The following KCNQ5 variants were observed in gnomAD, a reference collection of about 807,000 sequenced individuals.
KCNQ5 encodes potassium voltage-gated channel subfamily Q member 5.
KCNQ5 carries 30 observed loss-of-function variants against 98.2 expected under a neutral mutation model. That is an observed-to-expected ratio of 0.31 (90% CI 0.23 to 0.41). The LOEUF is 0.41. Ranked by LOEUF, KCNQ5 falls within the 10% of genes least tolerant of loss-of-function variation. The pLI, the probability that KCNQ5 is intolerant of heterozygous loss-of-function variation, is 1.00. For synonymous variants in KCNQ5, 458 were observed against 449.4 expected (o/e 1.02, Z -0.24); for missense variants, 835 against 1,182.5 (o/e 0.71, Z 4.31).
intron 3 of KCNQ5, among the ~76,000 whole-genome samples, chr6:73,061,148 T>A (rs1270985476): frequency 6.6e-6 from 1 of 152,194 alleles, no homozygotes; most frequent in Non-Finnish European, 1.5e-5. Context: ...AATGTAATAC[T>A]GCATATATAG....
rs1027720077 is a variant in KCNQ5, at chr6:72,992,867, T to G, written c.399-11041T>G. 9.2e-4 allele frequency among the ~76,000 whole-genome samples: 58 copies of G among 62,762 alleles called. 3 individuals are homozygous for G. Among genetic ancestry groups the G allele is most frequent in the African/African-American group, 4.8e-3 (54 of 11,310 alleles). 41.2% of individuals were successfully genotyped at this position (62,762 alleles called of 152,430 possible). Reference sequence around the variant, plus strand: ...TAGGGCAGGCCTGGTGGTGACAAAATCTCTCAGCATTTGCTTGTCTATAAA... The same window carrying G: ...TAGGGCAGGCCTGGTGGTGACAAAAGCTCTCAGCATTTGCTTGTCTATAAA... On this transcript the variant is annotated intron_variant, in intron 1 of 13. Coordinates refer to ENST00000370398, the MANE Select transcript of KCNQ5 (RefSeq NM_019842.4).
chr6:72,655,981 T>C (rs556682810), intron 1 of KCNQ5, among the ~76,000 whole-genome samples: 1 of 152,312 alleles, frequency 6.6e-6, no homozygotes, highest in Admixed American at 6.5e-5. Flanking sequence ...GAACATTCCA[T>C]ACATCCAAAG....
chr6:72,669,850 G>T (rs371938690), intron 1 of KCNQ5, among the ~76,000 whole-genome samples: 1 of 150,222 alleles, frequency 6.7e-6, no homozygotes, highest in East Asian at 2.0e-4. Flanking sequence ...TCAAGCAGTT[G>T]TTCAGCCATA....
At chr6:72,649,969 C>A (rs898330733) in intron 1 of KCNQ5, among the ~76,000 whole-genome samples, 2 of 152,116 alleles carry the variant, frequency 1.3e-5, no homozygotes, top group Non-Finnish European at 2.9e-5. Flanking sequence ...TCTCTCATTG[C>A]AAGTGCTATG....
chr6:72,797,811 T>C (rs570125174), intron 1 of KCNQ5, among the ~76,000 whole-genome samples: 1 of 152,254 alleles, frequency 6.6e-6, no homozygotes, highest in South Asian at 2.1e-4. Context: ...AATCAACATA[T>C]TAAATCATTG....
At chr6:73,130,049 A>G (rs1776162261) in intron 9 of KCNQ5, among the ~76,000 whole-genome samples, 1 of 152,210 alleles carries the variant, frequency 6.6e-6, no homozygotes, top group South Asian at 2.1e-4. Context: ...CCGCTGGGAC[A>G]AATAGTCGGC....
At chr6:72,750,151 A>C (rs1771604282) in intron 1 of KCNQ5, among the ~76,000 whole-genome samples, 1 of 152,062 alleles carries the variant, frequency 6.6e-6, no homozygotes. Flanking sequence ...TAATCTGGCC[A>C]CAATGTGAGT....
chr6:72,850,373 A>G (rs776061662), intron 1 of KCNQ5, among the ~76,000 whole-genome samples: 1 of 152,162 alleles, frequency 6.6e-6, no homozygotes, highest in Non-Finnish European at 1.5e-5. Context: ...TCGGCTTTCT[A>G]TGTAAAAGAG....
intron 11 of KCNQ5, among the ~76,000 whole-genome samples, chr6:73,176,781 T>G (rs1778230891): frequency 6.6e-6 from 1 of 152,116 alleles, no homozygotes; most frequent in African/African-American, 2.4e-5. Flanking sequence ...AGATGGTGCA[T>G]TATTGTGAGT....
At chr6:72,904,064 G>A (rs1054149133) in intron 1 of KCNQ5, among the ~76,000 whole-genome samples, 2 of 152,056 alleles carry the variant, frequency 1.3e-5, no homozygotes, top group Non-Finnish European at 2.9e-5. Flanking sequence ...GTTGGACAAG[G>A]CCTTTTACCA....
intron 1 of KCNQ5, among the ~76,000 whole-genome samples, chr6:72,854,721 TACAC>T (rs59899899): frequency 0.41 from 51,259 of 126,308 alleles, 10,827 homozygotes; most frequent in South Asian, 0.5. Flanking sequence ...TCTTTCTTTG[TACAC>T]ACACACACAC....
intron 7 of KCNQ5, among the ~76,000 whole-genome samples, chr6:73,118,525 T>G (rs993213016): frequency 6.6e-6 from 1 of 152,168 alleles, no homozygotes; most frequent in African/African-American, 2.4e-5. Flanking sequence ...GAGTGTGTAG[T>G]TGTATCATAG....
At chr6:72,686,717 G>GTTTTTTTTTTT (rs1554688157) in intron 1 of KCNQ5, among the ~76,000 whole-genome samples, 2 of 97,458 alleles carry the variant, frequency 2.1e-5, no homozygotes, top group East Asian at 2.7e-4. Context: ...TTTATGGGTT[G>GTTTTTTTTTTT]TTTTTTTTTT....
intron 10 of KCNQ5, among the ~76,000 whole-genome samples, chr6:73,142,995 C>T (rs1007381000): frequency 3.3e-5 from 5 of 152,168 alleles, no homozygotes; most frequent in Non-Finnish European, 7.4e-5. Context: ...TAACTTCTAA[C>T]GCAGCTCTCT....
chr6:72,923,111 C>T (rs145734503), intron 1 of KCNQ5, among the ~76,000 whole-genome samples: 1 of 152,104 alleles, frequency 6.6e-6, no homozygotes, highest in East Asian at 1.9e-4. Flanking sequence ...CGCGCCCAGC[C>T]AGGACACATT....
intron 2 of KCNQ5, among the ~76,000 whole-genome samples, chr6:73,004,947 G>A (rs1008903250): frequency 2.0e-5 from 3 of 152,170 alleles, no homozygotes; most frequent in Admixed American, 6.5e-5. Context: ...TTACTACCAC[G>A]AAGGTGGAAA....
At chr6:72,672,403 C>T (rs1271211363) in intron 1 of KCNQ5, among the ~76,000 whole-genome samples, 2 of 152,062 alleles carry the variant, frequency 1.3e-5, no homozygotes, top group African/African-American at 4.8e-5. Flanking sequence ...CAGCCTTCAC[C>T]AGAAAATTTT....
At chr6:72,931,809 T>C (rs945531750) in intron 1 of KCNQ5, among the ~76,000 whole-genome samples, 1 of 152,098 alleles carries the variant, frequency 6.6e-6, no homozygotes, top group African/African-American at 2.4e-5. Context: ...TTGGCAAAAA[T>C]TGGAGGACGA....
chr6:73,010,369 A>T (rs1292405750), intron 2 of KCNQ5, among the ~76,000 whole-genome samples: 1 of 152,064 alleles, frequency 6.6e-6, no homozygotes, highest in Non-Finnish European at 1.5e-5. Flanking sequence ...CTACCTCAAC[A>T]TGATAAAAGC....
Sources: allele counts gnomAD v4.1 joint callset (sites outside exome capture counted in the v4.1 genomes callset), GRCh38; gene constraint gnomAD v4.1.1; transcripts MANE v1.5; gene names NCBI Gene and HGNC (gene_info 2026-07-23, HGNC 2026-07-21).